NRP1: variants seen among roughly 807,000 people sequenced by gnomAD.
NRP1 encodes neuropilin-1.
NRP1 carries 35 observed loss-of-function variants against 106.7 expected under a neutral mutation model. The ratio of observed to expected loss-of-function variants is 0.33; its 90% CI spans 0.25 to 0.43. NRP1 has a LOEUF of 0.43. NRP1 is among the 20% of genes least tolerant of loss of function. NRP1 has a pLI of 1.00. For synonymous variants in NRP1, 437 were observed against 417.9 expected (o/e 1.05, Z -0.56); for missense variants, 1,024 against 1,170.4 (o/e 0.87, Z 1.83).
chr10:33,318,366 G>A (rs138209429), intron 2 of NRP1, among the ~76,000 whole-genome samples: 147 of 152,218 alleles, frequency 9.7e-4, no homozygotes, highest in African/African-American at 3.1e-3. Flanking sequence ...CAATTATAAC[G>A]CACATCCCTA....
At position 33,245,237 on chromosome 10, in the gene NRP1, G is replaced by A. The variant is rs141569396; in HGVS notation, c.981+8791C>T. Among the ~76,000 whole-genome samples the A allele has an allele frequency of 1.2e-3, 188 of 152,298 alleles. 1 individual carries two copies. The highest frequency in any genetic ancestry group is 2.2e-3 in the Non-Finnish European group (153 of 68,022). ...GAATTTTAGGATCTTTTACGCCAGC[G>A]GTTTTCAAGTGGGGGTGATTGTTCC... is the stretch of plus-strand genomic sequence containing the variant. On this transcript the variant is annotated intron_variant, in intron 6 of 16. Coordinates refer to ENST00000374867, the MANE Select transcript of NRP1 (RefSeq NM_003873.7).
chr10:33,237,290 C>T (rs1252896624), intron 6 of NRP1, among the ~76,000 whole-genome samples: 1 of 152,012 alleles, frequency 6.6e-6, no homozygotes, highest in African/African-American at 2.4e-5. Flanking sequence ...AAGTGTCAGC[C>T]TAGTGATAAG....
chr10:33,183,492 G>A (rs964901550), intron 15 of NRP1, among the ~76,000 whole-genome samples: 8 of 152,310 alleles, frequency 5.3e-5, no homozygotes, highest in Middle Eastern at 3.4e-3. Context: ...TTTAGTGTGC[G>A]TTAGTTTGGC....
chr10:33,242,410 G>A (rs1841093633), intron 6 of NRP1, among the ~76,000 whole-genome samples: 1 of 152,022 alleles, frequency 6.6e-6, no homozygotes, highest in Non-Finnish European at 1.5e-5. Flanking sequence ...GTAATATAAT[G>A]TACGTGCTAT....
At chr10:33,198,751 G>C (rs1176085275) in intron 11 of NRP1, among the ~76,000 whole-genome samples, 2 of 143,668 alleles carry the variant, frequency 1.4e-5, no homozygotes, top group Non-Finnish European at 3.1e-5. Context: ...AGGGTTTAAA[G>C]TAAGATGCTA....
chr10:33,310,520 G>A (rs1038245121), intron 2 of NRP1, among the ~76,000 whole-genome samples: 1 of 152,128 alleles, frequency 6.6e-6, no homozygotes, highest in Non-Finnish European at 1.5e-5. Flanking sequence ...CAAAGTGCTA[G>A]GATTACAGGA....
At chr10:33,195,012 C>T (rs1261925237) in intron 12 of NRP1, among the ~76,000 whole-genome samples, 3 of 152,196 alleles carry the variant, frequency 2.0e-5, no homozygotes, top group African/African-American at 7.2e-5. Context: ...TAAATCCCTT[C>T]TTGACTCTTA....
intron 2 of NRP1, among the ~76,000 whole-genome samples, chr10:33,300,197 C>T (rs1845704501): frequency 6.6e-6 from 1 of 152,210 alleles, no homozygotes; most frequent in South Asian, 2.1e-4. Flanking sequence ...TGTTTCCAAT[C>T]ACCAACGAGC....
chr10:33,270,563 G>T, intron 3 of NRP1, 112 bp downstream of exon 3: 1 of 846,468 alleles, frequency 1.2e-6, no homozygotes, highest in East Asian at 2.8e-5. Context: ...CTGAGCTCAA[G>T]TGATCCACCT....
intron 6 of NRP1, among the ~76,000 whole-genome samples, chr10:33,244,126 A>G (rs1841241817): frequency 6.6e-6 from 1 of 152,172 alleles, no homozygotes; most frequent in South Asian, 2.1e-4. Flanking sequence ...TTTGGAATTT[A>G]CAGGGTTCAG....
chr10:33,319,975 G>A (rs912650343), intron 2 of NRP1, among the ~76,000 whole-genome samples: 3 of 151,770 alleles, frequency 2.0e-5, no homozygotes, highest in Admixed American at 1.3e-4. Flanking sequence ...CCCACCGGAA[G>A]GAATAAATTC....
intron 2 of NRP1, among the ~76,000 whole-genome samples, chr10:33,273,095 T>TGGGGGGG: frequency 2.3e-5 from 1 of 43,970 alleles, no homozygotes. Context: ...GGGTGGTGAG[T>TGGGGGGG]GGGGGGTGGG....
rs375580696 is a variant in NRP1 at position 33,180,029 on chromosome 10, G to A, written c.*47C>T. On this transcript the variant is annotated 3_prime_UTR_variant, in exon 17 of 17. Transcript: ENST00000374867. ...ATCAACAGCTCCCCAGCTCACTCCC[G>A]TCCTTCCACTTCCGTCCTTTGACTG... 1.6e-5 allele frequency: 25 copies of A among 1,582,652 alleles called. No individual in the cohort carries two copies. The highest frequency in any genetic ancestry group is 8.5e-5 in the Admixed American group (5 of 59,078).
At chr10:33,225,429 T>C (rs999659871) in intron 7 of NRP1, among the ~76,000 whole-genome samples, 10 of 152,212 alleles carry the variant, frequency 6.6e-5, no homozygotes, top group Non-Finnish European at 1.2e-4. Flanking sequence ...GCTTTTAATT[T>C]CTGGGAGATG....
rs943516985 is a variant in NRP1 at position 33,334,212 on chromosome 10, C to T, written c.73+98G>A. On this transcript the variant is annotated intron_variant, in intron 1 of 16. Coordinates refer to ENST00000374867, the MANE Select transcript of NRP1 (RefSeq NM_003873.7). The stretch of plus-strand genomic sequence containing the variant: ...TTCCTTCGCCCGGGAGTCGGTTGTT[C>T]CCGGCTGATCCCGGGAAGCCCCGCC... The T allele has an allele frequency of 2.1e-5, 24 of 1,127,226 alleles. No individual in the cohort carries two copies. In the African/African-American group the frequency reaches 2.7e-4, roughly 12 times the overall value. The allele number at this position is 1,127,226 out of a possible 1,614,324, so 69.8% of individuals were successfully genotyped here.
chr10:33,249,419 G>C (rs549935538), intron 6 of NRP1: 58 of 519,106 alleles, frequency 1.1e-4, no homozygotes, highest in Non-Finnish European at 2.0e-4. Flanking sequence ...ATGGAGTGAA[G>C]GCTACGTTAT....
At chr10:33,233,683 A>C (rs1840336361) in intron 6 of NRP1, among the ~76,000 whole-genome samples, 1 of 152,194 alleles carries the variant, frequency 6.6e-6, no homozygotes, top group African/African-American at 2.4e-5. Flanking sequence ...TAACACTCCC[A>C]AGGCAGGTCA....
Position 33,186,342 on chromosome 10 carries a change from T to G in NRP1, c.2209A>C (p.Arg737=), listed in dbSNP as rs1836002867. The G allele has an allele frequency of 6.2e-7, 1 of 1,614,152 alleles. No individual in the cohort carries two copies. Among genetic ancestry groups the G allele is most frequent in the East Asian group, 2.2e-5 (1 of 44,866 alleles). ...GGCTTCTGGTAGCGCAGTTTGACCC[T>G]GAGTGTGCCGACGTGGGACCCAGAC... The part of the protein sequence containing the change: ...HMSGSHVGTL[R]VKLRYQKPEE... Residue 737 remains arginine, a synonymous_variant, in exon 14 of 17, where the codon AGG becomes CGG. Coordinates refer to ENST00000374867, the MANE Select transcript of NRP1 (RefSeq NM_003873.7).
intron 2 of NRP1, among the ~76,000 whole-genome samples, chr10:33,300,235 C>T (rs1030887246): frequency 3.3e-5 from 5 of 152,168 alleles, no homozygotes; most frequent in Non-Finnish European, 7.3e-5. Flanking sequence ...AGTTCCTTCT[C>T]TCCTATTTTC....
Sources: gnomAD v4.1 joint callset for allele counts (sites outside exome capture counted in the v4.1 genomes callset) on GRCh38, gnomAD v4.1.1 for gene constraint, MANE v1.5 for transcripts, NCBI Gene and HGNC (gene_info 2026-07-23, HGNC 2026-07-21) for gene names.